The following ALG12 variants were observed in gnomAD, a reference collection of about 807,000 sequenced individuals.
ALG12 encodes the protein ALG12 alpha-1,6-mannosyltransferase.
ALG12 carries 36 observed loss-of-function variants against 46.0 expected under a neutral mutation model. The observed-to-expected ratio is 0.78, with a 90% CI of 0.60 to 1.03. The LOEUF is 1.03. ALG12 is among the 50% of genes least tolerant of loss of function. The pLI is 0.00. For synonymous variants in ALG12, 326 were observed against 291.6 expected (o/e 1.12, Z -1.20); for missense variants, 599 against 633.5 (o/e 0.95, Z 0.58).
chr22:49,898,042 T>C (rs183509605), downstream of ALG12, among the ~76,000 whole-genome samples: 205 of 152,112 alleles, frequency 1.3e-3, no homozygotes, highest in African/African-American at 4.3e-3. Flanking sequence ...TTTGTATATA[T>C]TGGAGACCAG....
At chr22:49,890,752 C>T in the ALG12 span, among the ~76,000 whole-genome samples, 9 of 152,082 alleles carry the variant, frequency 5.9e-5, no homozygotes, top group East Asian at 1.9e-4. Context: ...TGCGGTGGCT[C>T]ACGCCTGTAA....
the ALG12 span, among the ~76,000 whole-genome samples, chr22:49,870,968 T>C: frequency 6.8e-6 from 1 of 146,484 alleles, no homozygotes; most frequent in African/African-American, 2.6e-5. Flanking sequence ...TGAGATGGAG[T>C]CTCACTCTGT....
the ALG12 span, among the ~76,000 whole-genome samples, chr22:49,875,868 A>C: frequency 6.6e-6 from 1 of 151,474 alleles, no homozygotes. Flanking sequence ...TTTTTTCTCT[A>C]ATCAATATTT....
chr22:49,902,844 T>C lies in ALG12; in HGVS notation c.*994A>G, dbSNP rs36149452. 0.041 allele frequency: 4,219 copies of C among 102,636 alleles called. 282 individuals are homozygous for C. Among genetic ancestry groups the C allele is most frequent in the Middle Eastern group, 0.073 (16 of 220 alleles). The allele number at this position is 102,636 out of a possible 1,614,324, so 6.4% of individuals were successfully genotyped here. A position where few individuals can be genotyped will look rare whatever the true frequency, so the allele number is the denominator to read the frequency against. The stretch of plus-strand genomic sequence containing the variant: ...ACGTGTGCACTGTGTATGCATAGTG[T>C]GTGCACGTGTGCACTGTGTGTGGAT... On this transcript the variant is annotated 3_prime_UTR_variant, in exon 10 of 10. Transcript: ENST00000330817.
At chr22:49,890,670 G>C in the ALG12 span, among the ~76,000 whole-genome samples, 1 of 152,150 alleles carries the variant, frequency 6.6e-6, no homozygotes, top group Non-Finnish European at 1.5e-5. Flanking sequence ...AGGCTTTCCT[G>C]GGTGTGTTTT....
At chr22:49,911,888 T>C (rs1049613898) in intron 3 of ALG12, among the ~76,000 whole-genome samples, 3 of 152,220 alleles carry the variant, frequency 2.0e-5, no homozygotes, top group Non-Finnish European at 4.4e-5. Flanking sequence ...GTCCATCCCC[T>C]GCGTCTCTTC....
the ALG12 span, among the ~76,000 whole-genome samples, chr22:49,863,238 T>A: frequency 0.74 from 112,768 of 151,480 alleles, 44,530 homozygotes; most frequent in East Asian, 0.9. Flanking sequence ...CAGGATGGAG[T>A]GCAGTGGTGC....
Position 49,907,748 on chromosome 22 carries a change from AT to A in ALG12, c.964del (p.Ile322SerfsTer11). On this transcript the variant is annotated frameshift_variant, in exon 7 of 10. Transcript: ENST00000330817. LOFTEE classifies it high-confidence loss of function. ...FIIYAFPMLNITAARGCSYLL... is the reference protein window; with the variant it reads ...FIIYAFPMLNXTAARGCSYLL... ...GTAGGAGCAGCCTCTGGCAGCCGTG[AT>A]GTTGAGCATGGGGAAGGCATAGATG... The A allele has an allele frequency of 1.2e-6, 2 of 1,614,128 alleles. No homozygotes were observed. Among genetic ancestry groups the A allele is most frequent in the Non-Finnish European group, 1.7e-6 (2 of 1,180,034 alleles).
downstream of ALG12, among the ~76,000 whole-genome samples, chr22:49,899,720 G>C (rs2060496168): frequency 1.3e-5 from 2 of 152,210 alleles, no homozygotes; most frequent in South Asian, 4.2e-4. Flanking sequence ...ATTCATGGCA[G>C]GGTTATCTGA....
At chr22:49,868,160 T>C in the ALG12 span, among the ~76,000 whole-genome samples, 2 of 152,206 alleles carry the variant, frequency 1.3e-5, no homozygotes, top group African/African-American at 4.8e-5. Context: ...GGAAAGACCT[T>C]GTCAGTCTTC....
chr22:49,891,316 C>G, the ALG12 span, among the ~76,000 whole-genome samples: 1 of 152,192 alleles, frequency 6.6e-6, no homozygotes, highest in African/African-American at 2.4e-5. Flanking sequence ...TGCAGCTGAT[C>G]TGGGCACAAC....
chr22:49,860,638 C>T, the ALG12 span, among the ~76,000 whole-genome samples: 1 of 152,048 alleles, frequency 6.6e-6, no homozygotes, highest in Non-Finnish European at 1.5e-5. Context: ...ATTATTTTCT[C>T]TGGTTATGTT....
the ALG12 span, among the ~76,000 whole-genome samples, chr22:49,867,610 C>T: frequency 6.6e-6 from 1 of 152,178 alleles, no homozygotes; most frequent in Non-Finnish European, 1.5e-5. Flanking sequence ...AGAAAGTCAC[C>T]CACCTCAGCA....
At chr22:49,875,402 T>C in the ALG12 span, among the ~76,000 whole-genome samples, 4 of 149,584 alleles carry the variant, frequency 2.7e-5, no homozygotes, top group Non-Finnish European at 4.4e-5. Flanking sequence ...TTCATCTGAG[T>C]TGCATAATTT....
chr22:49,899,311 C>T (rs2060494910), downstream of ALG12, among the ~76,000 whole-genome samples: 2 of 151,980 alleles, frequency 1.3e-5, no homozygotes, highest in South Asian at 4.1e-4. Context: ...CCTGTCTCTA[C>T]TAAAAATACA....
the ALG12 span, among the ~76,000 whole-genome samples, chr22:49,869,539 T>G: frequency 6.6e-6 from 1 of 152,262 alleles, no homozygotes; most frequent in African/African-American, 2.4e-5. Context: ...TACTGCTTAC[T>G]GAATTCTGGT....
At chr22:49,886,939 G>A in the ALG12 span, 31 of 1,613,982 alleles carry the variant, frequency 1.9e-5, no homozygotes, top group Non-Finnish European at 2.5e-5. The surrounding 1 kb of genome is among the most constrained non-coding windows in gnomAD (Gnocchi z 7.7). Context: ...GGAGGAGGAG[G>A]TGCTTGAACA....
intron 1 of ALG12, among the ~76,000 whole-genome samples, chr22:49,916,762 G>A (rs73443968): frequency 0.11 from 16,461 of 152,156 alleles, 1,186 homozygotes; most frequent in African/African-American, 0.2. Flanking sequence ...GACCAACTTG[G>A]GCTACATCAT....
the ALG12 span, among the ~76,000 whole-genome samples, chr22:49,877,307 T>G: frequency 1.3e-5 from 2 of 148,648 alleles, no homozygotes; most frequent in East Asian, 3.9e-4. Context: ...ATTTATTTAT[T>G]TTGAGATGGA....
Sources: allele counts gnomAD v4.1 joint callset (sites outside exome capture counted in the v4.1 genomes callset), GRCh38; gene constraint gnomAD v4.1.1; non-coding constraint Gnocchi (gnomAD v3.1); transcripts MANE v1.5; gene names NCBI Gene and HGNC (gene_info 2026-07-23, HGNC 2026-07-21).